PTPRD: variants seen among roughly 807,000 people sequenced by gnomAD.
The protein encoded by PTPRD is receptor-type tyrosine-protein phosphatase delta.
In PTPRD, 34 loss-of-function variants were observed where a neutral mutation model predicts 214.5. That is an observed-to-expected ratio of 0.16 (90% CI 0.12 to 0.21). The LOEUF (loss-of-function observed/expected upper bound fraction) is 0.21, where lower values mean the gene tolerates loss of function less well. Among genes scored for constraint, PTPRD ranks in the 10% least tolerant of loss-of-function variants. PTPRD has a pLI of 1.00. For missense variants in PTPRD, 2,545 were observed against 2,398.7 expected (o/e 1.06, Z -1.27); for synonymous variants, 1,128 against 845.7 (o/e 1.33, Z -5.79).
intron 36 of PTPRD, among the ~76,000 whole-genome samples, chr9:8,394,166 A>T (rs1247853448): frequency 6.7e-6 from 1 of 149,558 alleles, no homozygotes; most frequent in Non-Finnish European, 1.5e-5. Context: ...TGGATTTTTT[A>T]AAACCACCAA....
At chr9:10,002,201 T>C (rs577826767) in intron 4 of PTPRD, among the ~76,000 whole-genome samples, 27 of 150,238 alleles carry the variant, frequency 1.8e-4, no homozygotes, top group African/African-American at 6.1e-4. Context: ...ACCAAACTGG[T>C]ATACTAAAAA....
In PTPRD at chr9:8,716,051, C is replaced by A. The variant is rs548551885; in HGVS notation, c.64+17729G>T. 3.9e-5 allele frequency among the ~76,000 whole-genome samples: 6 copies of A among 152,318 alleles called. No homozygotes were observed. In the South Asian group the frequency reaches 1.2e-3, roughly 32 times the overall value. The stretch of plus-strand genomic sequence containing the variant: ...AGGTCTGTGGCTTCACATTGGGTAG[C>A]CACAGCAGTCCCTAAGAGAAAAAAG... On this transcript the variant is annotated intron_variant, in intron 12 of 45. Coordinates refer to ENST00000381196, the MANE Select transcript of PTPRD (RefSeq NM_002839.4).
intron 9 of PTPRD, among the ~76,000 whole-genome samples, chr9:9,290,975 T>TTAGG (rs1172250657): frequency 1.3e-5 from 2 of 151,406 alleles, no homozygotes; most frequent in Non-Finnish European, 1.5e-5. Context: ...AAGATCTTAG[T>TTAGG]TACCTAAGAC....
intron 9 of PTPRD, among the ~76,000 whole-genome samples, chr9:9,234,236 G>C (rs951402165): frequency 1.4e-4 from 21 of 152,218 alleles, no homozygotes; most frequent in Admixed American, 6.5e-4. Context: ...CTTGGGACTT[G>C]CATCATCTGA....
At chr9:8,644,562 C>A (rs1370968179) in intron 12 of PTPRD, among the ~76,000 whole-genome samples, 16 of 152,190 alleles carry the variant, frequency 1.1e-4, no homozygotes, top group Non-Finnish European at 2.2e-4. Context: ...GGACCCCAGA[C>A]CTGGGAGCTC....
Position 8,521,510 on chromosome 9 carries a change from G to T in PTPRD, c.728C>A (p.Thr243Asn). 6.2e-7 allele frequency: 1 copy of T among 1,613,974 alleles called. No homozygotes were observed. Among genetic ancestry groups the T allele is most frequent in the Non-Finnish European group, 8.5e-7 (1 of 1,179,894 alleles). The change falls in exon 20 of 46, where the codon ACT (threonine) becomes AAT (asparagine). Residue 243 changes from threonine (T) to asparagine (N), a missense_variant. Coordinates refer to ENST00000381196, the MANE Select transcript of PTPRD (RefSeq NM_002839.4). The stretch of plus-strand genomic sequence containing the variant: ...TCCGCCTGGCATGATTTCATGATTA[G>T]TGGGTGGGATAGAGAATCTTGGTGG... Reference protein sequence around the residue: ...RVPPRFSIPPTNHEIMPGGSV... With the variant: ...RVPPRFSIPPNNHEIMPGGSV...
chr9:9,373,718 T>A (rs369920564), intron 9 of PTPRD, among the ~76,000 whole-genome samples: 1 of 152,128 alleles, frequency 6.6e-6, no homozygotes, highest in South Asian at 2.1e-4. Context: ...CCTATCAGGA[T>A]AATGTCTTCA....
At chr9:10,088,832 A>G (rs1353616329) in intron 3 of PTPRD, among the ~76,000 whole-genome samples, 1 of 151,710 alleles carries the variant, frequency 6.6e-6, no homozygotes, top group African/African-American at 2.4e-5. Flanking sequence ...ATGAATGGAT[A>G]TCGTATTTCT....
intron 14 of PTPRD, among the ~76,000 whole-genome samples, chr9:8,598,467 AAAAT>A (rs61195965): frequency 0.041 from 6,299 of 151,864 alleles, 430 homozygotes; most frequent in African/African-American, 0.14. Context: ...TCAAAAAAAT[AAAAT>A]AAATAAATAA....
At position 9,951,711 on chromosome 9, in the gene PTPRD, A is replaced by G. The variant is rs1264112446; in HGVS notation, c.-471-13101T>C. ...AGGCAAATAACCAGGGTGAGGTTTC[A>G]GTATACTTTGAACGGGGAAGTATAA... On this transcript the variant is annotated intron_variant, in intron 4 of 45. Coordinates refer to ENST00000381196, the MANE Select transcript of PTPRD (RefSeq NM_002839.4). Among the ~76,000 whole-genome samples the G allele has an allele frequency of 2.0e-5, 3 of 152,388 alleles. No individual in the cohort carries two copies. In the East Asian group the frequency reaches 5.8e-4, roughly 29 times the overall value.
chr9:9,470,587 A>C (rs1229181836), intron 8 of PTPRD, among the ~76,000 whole-genome samples: 1 of 152,220 alleles, frequency 6.6e-6, no homozygotes, highest in Non-Finnish European at 1.5e-5. Flanking sequence ...ACATTTTGAA[A>C]TAAAGGCAGC....
chr9:10,244,062 G>C lies in PTPRD; in HGVS notation c.-545+96901C>G, dbSNP rs2091638782. 3.3e-5 allele frequency among the ~76,000 whole-genome samples: 5 copies of C among 151,734 alleles called. No homozygotes were observed. The Admixed American group carries it at 3.3e-4, about 10-fold the overall frequency. ...GTAATATACGTAAAGTGCATAGAAT[G>C]AGACTATAGAGAGCCTACAATCACT... On this transcript the variant is annotated intron_variant, in intron 3 of 45. Coordinates refer to ENST00000381196, the MANE Select transcript of PTPRD (RefSeq NM_002839.4).
chr9:8,702,879 T>A lies in PTPRD; in HGVS notation c.64+30901A>T, dbSNP rs1183365703. ...GCCTCGGCCTCCCAAAGTGCTGGGA[T>A]TACAGGCGTGAGCCACTGCGCCCGG... On this transcript the variant is annotated intron_variant, in intron 12 of 45. Coordinates refer to ENST00000381196, the MANE Select transcript of PTPRD (RefSeq NM_002839.4). Among the ~76,000 whole-genome samples the A allele has an allele frequency of 2.6e-5, 4 of 152,328 alleles. No individual in the cohort carries two copies. In the East Asian group the frequency reaches 7.7e-4, roughly 29 times the overall value.
chr9:8,786,279 T>C (rs571060109), intron 11 of PTPRD, among the ~76,000 whole-genome samples: 265 of 152,184 alleles, frequency 1.7e-3, no homozygotes, highest in African/African-American at 6.1e-3. Context: ...TTTAATCCTA[T>C]AAATTCAACT....
chr9:10,128,075 A>C (rs1291404193), intron 3 of PTPRD, among the ~76,000 whole-genome samples: 1 of 152,108 alleles, frequency 6.6e-6, no homozygotes, highest in East Asian at 1.9e-4. Flanking sequence ...ATGAAGTCAG[A>C]TCTCTTGTCA....
At chr9:8,947,652 C>CTTTTG (rs973686933) in intron 11 of PTPRD, among the ~76,000 whole-genome samples, 1 of 151,796 alleles carries the variant, frequency 6.6e-6, no homozygotes, top group Non-Finnish European at 1.5e-5. Flanking sequence ...GAGTTCTGTG[C>CTTTTG]TTTTGTTTTG....
At chr9:8,658,186 C>A (rs1052076367) in intron 12 of PTPRD, among the ~76,000 whole-genome samples, 1 of 152,132 alleles carries the variant, frequency 6.6e-6, no homozygotes, top group African/African-American at 2.4e-5. Context: ...CCACAGATAA[C>A]ATGTATAACA....
chr9:8,340,241 T>C, intron 42 of PTPRD, 102 bp downstream of exon 42: 1 of 1,377,764 alleles, frequency 7.3e-7, no homozygotes, highest in Non-Finnish European at 9.7e-7. Context: ...GTGCACTGCA[T>C]TTCAAAAAAA....
chr9:9,216,131 A>G (rs2099952028), intron 9 of PTPRD, among the ~76,000 whole-genome samples: 1 of 152,154 alleles, frequency 6.6e-6, no homozygotes, highest in Non-Finnish European at 1.5e-5. Context: ...GTCTCAGTTT[A>G]GTCACCTTTT....
Sources: allele counts gnomAD v4.1 joint callset (sites outside exome capture counted in the v4.1 genomes callset), GRCh38; gene constraint gnomAD v4.1.1; transcripts MANE v1.5; gene names NCBI Gene and HGNC (gene_info 2026-07-23, HGNC 2026-07-21).